ELFN1: variants seen among roughly 807,000 people sequenced by gnomAD.
The protein encoded by ELFN1 is extracellular leucine rich repeat and fibronectin type III domain containing 1.
Under a neutral mutation model 7.6 loss-of-function variants are expected in ELFN1, and 6 were observed. That is an observed-to-expected ratio of 0.79 (90% CI 0.43 to 1.56). The LOEUF (loss-of-function observed/expected upper bound fraction) is 1.56. Among genes scored for constraint, ELFN1 ranks in the 40% most tolerant of loss-of-function variants. The pLI is 0.01. For synonymous variants in ELFN1, 657 were observed against 588.1 expected, an observed-to-expected ratio of 1.12 and a Z score of -1.70; for missense variants, 1,169 against 1,232.2, an observed-to-expected ratio of 0.95 and a Z score of 0.77.
chr7:1,684,388 A>G lies in ELFN1; in HGVS notation c.-548-3670A>G, dbSNP rs138527664. 2.8e-3 allele frequency among the ~76,000 whole-genome samples: 425 copies of G among 152,290 alleles called. 2 individuals carry two copies. Among genetic ancestry groups the G allele is most frequent in the African/African-American group, 9.7e-3 (402 of 41,552 alleles). On this transcript the variant is annotated intron_variant, in intron 1 of 3. Coordinates refer to ENST00000424383, the MANE Select transcript of ELFN1 (RefSeq NM_001128636.4). ...TTCCCCCCATAATTTTTGATGAGAA[A>G]TCAGCCATTGATCATATTGCTGTCC...
At chr7:1,674,966 C>A (rs911704310) in intron 1 of ELFN1, among the ~76,000 whole-genome samples, 1 of 132,916 alleles carries the variant, frequency 7.5e-6, no homozygotes, top group Non-Finnish European at 1.6e-5. Context: ...GGGCAGTGGC[C>A]GCAAGCCACT....
intron 3 of ELFN1, among the ~76,000 whole-genome samples, chr7:1,722,221 A>G (rs1450154656): frequency 1.3e-5 from 2 of 151,734 alleles, no homozygotes; most frequent in African/African-American, 4.8e-5. Context: ...CTCTTTTTCT[A>G]AAGTTCATGA....
chr7:1,746,598 A>C lies in ELFN1; in HGVS notation c.2002A>C (p.Lys668Gln), dbSNP rs1212920596. 7.4e-7 allele frequency: 1 copy of C among 1,348,154 alleles called. No homozygotes were observed. Among genetic ancestry groups the C allele is most frequent in the East Asian group, 3.3e-5 (1 of 30,524 alleles). 83.5% of individuals were successfully genotyped at this position (1,348,154 alleles called of 1,614,324 possible). ...GVHKAAAAEA[K>Q]YIEKGSPAAD... Reference sequence around the variant, plus strand: ...GCACAAGGCCGCGGCCGCCGAGGCCAAGTACATCGAGAAGGGCTCCCCCGC... The same window carrying C: ...GCACAAGGCCGCGGCCGCCGAGGCCCAGTACATCGAGAAGGGCTCCCCCGC... Residue 668 changes from lysine to glutamine, a missense_variant, in exon 4 of 4, where the codon AAG becomes CAG. Transcript: ENST00000424383.
upstream of ELFN1, among the ~76,000 whole-genome samples, chr7:1,669,095 C>G (rs923087102): frequency 1.3e-5 from 2 of 152,248 alleles, no homozygotes; most frequent in Non-Finnish European, 2.9e-5. Flanking sequence ...CTGGAGAACC[C>G]TAGGACCCGG....
rs78292088 is a variant in ELFN1 at position 1,735,167 on chromosome 7, T to A, written c.-293-9137T>A. Among the ~76,000 whole-genome samples the A allele has an allele frequency of 0.039, 5,865 of 152,250 alleles. 278 individuals are homozygous for A. Among genetic ancestry groups the A allele is most frequent in the East Asian group, 0.22 (1,152 of 5,162 alleles). On this transcript the variant is annotated intron_variant, in intron 3 of 3. Transcript: ENST00000424383. This position sits in a 1 kb window ranked among gnomAD's most constrained non-coding sequence, Gnocchi z 5.9. The stretch of plus-strand genomic sequence containing the variant: ...CTCCCTGAACCCTGGGGAGGGGCTT[T>A]GCATGCGGGAGGTGCTGCACACCGG...
chr7:1,704,875 C>T (rs1363491157), intron 2 of ELFN1, among the ~76,000 whole-genome samples: 2 of 152,072 alleles, frequency 1.3e-5, no homozygotes, highest in East Asian at 3.9e-4. Flanking sequence ...CACCAGGGCT[C>T]GAGGTCAGCT....
At chr7:1,741,830 AC>A (rs1399785260) in intron 3 of ELFN1, among the ~76,000 whole-genome samples, 2 of 152,126 alleles carry the variant, frequency 1.3e-5, no homozygotes, top group African/African-American at 4.8e-5. Flanking sequence ...CCCCAGACGC[AC>A]CAGAGCCCCA....
rs148490861 is a variant in ELFN1, at chr7:1,690,927, T to C, written c.-456+2777T>C. Among the ~76,000 whole-genome samples, 1,217 of 152,136 alleles carry C rather than the reference T, an allele frequency of 8.0e-3. 11 individuals are homozygous for C. Among genetic ancestry groups the C allele is most frequent in the African/African-American group, 0.027 (1,132 of 41,478 alleles). On this transcript the variant is annotated intron_variant, in intron 2 of 3. Transcript: ENST00000424383. ...CTGAATGAGGGAGGATGTAGATTAA[T>C]GATGATGGAAGTAGATAATGAATGA...
chr7:1,714,766 T>C (rs1203422037), intron 3 of ELFN1, among the ~76,000 whole-genome samples: 1 of 152,206 alleles, frequency 6.6e-6, no homozygotes, highest in Non-Finnish European at 1.5e-5. Context: ...AATGATTCAG[T>C]AGTATTTTAT....
chr7:1,717,627 C>T (rs541801405), intron 3 of ELFN1, among the ~76,000 whole-genome samples: 35 of 152,296 alleles, frequency 2.3e-4, no homozygotes, highest in African/African-American at 7.7e-4. Context: ...TGCATGCATG[C>T]AGACCTCAGA....
chr7:1,696,517 T>C (rs1409897333), intron 2 of ELFN1, among the ~76,000 whole-genome samples: 1 of 151,636 alleles, frequency 6.6e-6, no homozygotes, highest in Non-Finnish European at 1.5e-5. Context: ...TCAGGTTCCA[T>C]AGTAGCTGGG....
chr7:1,674,173 G>T (rs535513868), intron 1 of ELFN1, among the ~76,000 whole-genome samples: 1 of 151,160 alleles, frequency 6.6e-6, no homozygotes, highest in South Asian at 2.1e-4. Flanking sequence ...CATGAGGGGT[G>T]CCCAGGAGCC....
At chr7:1,707,480 G>A (rs1779559202) in intron 2 of ELFN1, among the ~76,000 whole-genome samples, 1 of 152,200 alleles carries the variant, frequency 6.6e-6, no homozygotes, top group Non-Finnish European at 1.5e-5. Flanking sequence ...CGGGAAGCAG[G>A]GGCAACCCTG....
chr7:1,674,812 G>C (rs4073785), intron 1 of ELFN1, among the ~76,000 whole-genome samples: 56,761 of 152,028 alleles, frequency 0.37, 10,928 homozygotes, highest in East Asian at 0.56. Context: ...GCTTCCGAGG[G>C]AGGGATGGGG....
chr7:1,739,827 C>T lies in ELFN1; in HGVS notation c.-293-4477C>T, dbSNP rs758054116. On this transcript the variant is annotated intron_variant, in intron 3 of 3. Coordinates refer to ENST00000424383, the MANE Select transcript of ELFN1 (RefSeq NM_001128636.4). The surrounding 1 kb of genome is among the most constrained non-coding windows in gnomAD (Gnocchi z 4.6). ...CTCAGAGGGCCCGAGGGGGGACGCCCGGTGGGGCGGGGCTGAGGATGGAAG... is the reference window on the plus strand; with the variant it reads ...CTCAGAGGGCCCGAGGGGGGACGCCTGGTGGGGCGGGGCTGAGGATGGAAG... 2.6e-4 allele frequency among the ~76,000 whole-genome samples: 39 copies of T among 152,084 alleles called. 1 individual carries two copies. Among genetic ancestry groups the T allele is most frequent in the African/African-American group, 8.4e-4 (35 of 41,472 alleles).
At chr7:1,674,184 G>T (rs555719233) in intron 1 of ELFN1, among the ~76,000 whole-genome samples, 10 of 150,542 alleles carry the variant, frequency 6.6e-5, no homozygotes, top group Non-Finnish European at 1.5e-4. Context: ...CCCAGGAGCC[G>T]GTGGGGAAAC....
At position 1,695,758 on chromosome 7, in the gene ELFN1, A is replaced by AC. The variant is rs1258786640; in HGVS notation, c.-456+7608_-456+7609insC. Among the ~76,000 whole-genome samples, 4 of 151,432 alleles carry AC rather than the reference A, an allele frequency of 2.6e-5. No individual in the cohort carries two copies. The highest frequency in any genetic ancestry group is 2.1e-4 in the South Asian group (1 of 4,792). Reference sequence around the variant, plus strand: ...GCGAGACTCCGTGTCAAAAAAAAAAAAAAAAAAAAAAAAACCGTGCTGGTT... The same window carrying AC: ...GCGAGACTCCGTGTCAAAAAAAAAAACAAAAAAAAAAAAAACCGTGCTGGTT... On this transcript the variant is annotated intron_variant, in intron 2 of 3. Coordinates refer to ENST00000424383, the MANE Select transcript of ELFN1 (RefSeq NM_001128636.4). This position sits in a 1 kb window ranked among gnomAD's most constrained non-coding sequence, Gnocchi z 5.1.
upstream of ELFN1, among the ~76,000 whole-genome samples, chr7:1,668,685 C>G (rs1778707892): frequency 1.3e-5 from 2 of 152,238 alleles, no homozygotes; most frequent in Admixed American, 1.3e-4. Flanking sequence ...CCGCCGGCCT[C>G]GTTCCACAGG....
rs1336313229 is a variant in ELFN1 at position 1,740,476 on chromosome 7, G to GT, written c.-293-3827dup. 6.6e-6 allele frequency among the ~76,000 whole-genome samples: 1 copy of GT among 152,242 alleles called. No homozygotes were observed. Among genetic ancestry groups the GT allele is most frequent in the Non-Finnish European group, 1.5e-5 (1 of 68,038 alleles). On this transcript the variant is annotated intron_variant, in intron 3 of 3. Coordinates refer to ENST00000424383, the MANE Select transcript of ELFN1 (RefSeq NM_001128636.4). The surrounding 1 kb of genome is among the most constrained non-coding windows in gnomAD (Gnocchi z 5.0). ...TAATGATCGGATCGCTGGACGTGGG[G>GT]TGCAGCGGCAGGTGTGAGTGCGGAT...
Sources: gnomAD v4.1 joint callset for allele counts (sites outside exome capture counted in the v4.1 genomes callset) on GRCh38, gnomAD v4.1.1 for gene constraint, Gnocchi (gnomAD v3.1) non-coding constraint, MANE v1.5 for transcripts, NCBI Gene and HGNC (gene_info 2026-07-23, HGNC 2026-07-21) for gene names.